The following PPP1R12A variants were observed in gnomAD, a reference collection of about 807,000 sequenced individuals.
PPP1R12A encodes the protein protein phosphatase 1 regulatory subunit 12A, also known as myosin binding subunit.
In PPP1R12A, 19 loss-of-function variants were observed where a neutral mutation model predicts 139.6. The ratio of observed to expected loss-of-function variants is 0.14; its 90% CI spans 0.09 to 0.20. The LOEUF is 0.20. PPP1R12A is among the 10% of genes least tolerant of loss of function. The probability of loss-of-function intolerance (pLI) is 1.00; values close to 1 mark genes in which losing one functional copy is unlikely to be tolerated. For missense variants in PPP1R12A, 925 were observed against 1,211.5 expected (o/e 0.76, Z 3.51); for synonymous variants, 427 against 420.6 (o/e 1.02, Z -0.19).
chr12:79,812,391 C>CGTGTGTGTGTGT (rs1156924649), intron 9 of PPP1R12A, among the ~76,000 whole-genome samples: 6,704 of 134,478 alleles, frequency 0.05, 418 homozygotes, highest in East Asian at 0.2. Flanking sequence ...TCTGTGTGTG[C>CGTGTGTGTGTGT]GTGTGTGTGT....
At position 79,807,325 on chromosome 12, in the gene PPP1R12A, G is replaced by T; in HGVS notation, c.1556C>A (p.Ser519Tyr). 1 of 1,539,832 alleles carries T rather than the reference G, an allele frequency of 6.5e-7. No individual in the cohort carries two copies. Among genetic ancestry groups the T allele is most frequent in the African/African-American group, 1.4e-5 (1 of 73,172 alleles). The change falls in exon 12 of 25, where the codon TCT becomes TAT. Residue 519 changes from serine (S) to tyrosine (Y), a missense_variant. Coordinates refer to ENST00000450142, the MANE Select transcript of PPP1R12A (RefSeq NM_002480.3). ...TGAACTACTTGTTCGCAAACTTGAA[G>T]AATCTCTGTTAAAAGAACACCCTTC... The part of the protein sequence containing the change: ...SDIEEKENRD[S>Y]SSLRTSSSYT...
At chr12:79,817,611 G>A (rs1875567503) in intron 8 of PPP1R12A, 93 bp from the exon 9 acceptor site, 1 of 1,272,554 alleles carries the variant, frequency 7.9e-7, no homozygotes, top group Non-Finnish European at 1.1e-6. Flanking sequence ...TTTTGTTTAA[G>A]GTTTTGTTAA....
intron 1 of PPP1R12A, among the ~76,000 whole-genome samples, chr12:79,903,146 C>T (rs950435411): frequency 1.3e-5 from 2 of 152,016 alleles, no homozygotes; most frequent in African/African-American, 4.8e-5. Context: ...GTTTCATGCA[C>T]AAAATTATTA....
chr12:79,837,165 G>C (rs962957796), intron 3 of PPP1R12A, among the ~76,000 whole-genome samples: 1 of 151,998 alleles, frequency 6.6e-6, no homozygotes, highest in Non-Finnish European at 1.5e-5. Flanking sequence ...TAATTGCAAG[G>C]TTTTTAAACA....
At chr12:79,816,512 TAAAC>T (rs950816897) in intron 9 of PPP1R12A, among the ~76,000 whole-genome samples, 96 of 152,038 alleles carry the variant, frequency 6.3e-4, no homozygotes, top group African/African-American at 2.2e-3. Flanking sequence ...AGGTCAAACA[TAAAC>T]AAACAAAAAC....
Position 79,809,997 on chromosome 12 carries a change from G to C in PPP1R12A, c.1253C>G (p.Ala418Gly). 6.2e-7 allele frequency: 1 copy of C among 1,611,358 alleles called. No homozygotes were observed. The highest frequency in any genetic ancestry group is 8.5e-7 in the Non-Finnish European group (1 of 1,178,764). The change falls in exon 10 of 25, where the codon GCT (alanine) becomes GGT (glycine). Residue 418 changes from alanine to glycine, a missense_variant. By Grantham distance (60) the Ala-to-Gly change is moderately conservative (BLOSUM62 0). Transcript: ENST00000450142. ...TTCTTCTTTGGGAGAAATTTTTGTA[G>C]CTGTGGTTGGAAACTGTGTTTATTT... ...TSPIKKFPTT[A>G]TKISPKEEER...
chr12:79,832,512 C>A (rs757213949), intron 3 of PPP1R12A, 21 bp from the exon 4 acceptor site: 22 of 1,553,822 alleles, frequency 1.4e-5, no homozygotes, highest in East Asian at 2.3e-5. Flanking sequence ...AAAAATAGTT[C>A]TTTTTATTTT....
intron 1 of PPP1R12A, among the ~76,000 whole-genome samples, chr12:79,899,233 A>ATATAT (rs1885406375): frequency 7.0e-6 from 1 of 141,922 alleles, no homozygotes; most frequent in African/African-American, 2.6e-5. Flanking sequence ...AGATCTTAAA[A>ATATAT]ATATATATAT....
At chr12:79,866,518 C>A (rs1282309219) in intron 2 of PPP1R12A, among the ~76,000 whole-genome samples, 1 of 152,196 alleles carries the variant, frequency 6.6e-6, no homozygotes, top group Non-Finnish European at 1.5e-5. Context: ...AAGAAACTAT[C>A]ATCAGAGTAA....
At chr12:79,910,398 T>G (rs1886470816) in intron 1 of PPP1R12A, among the ~76,000 whole-genome samples, 1 of 152,070 alleles carries the variant, frequency 6.6e-6, no homozygotes, top group Non-Finnish European at 1.5e-5. Context: ...AAGAATTGCT[T>G]GAACCTGGGA....
chr12:79,881,138 T>C (rs976601281), intron 1 of PPP1R12A, among the ~76,000 whole-genome samples: 19 of 152,142 alleles, frequency 1.2e-4, no homozygotes, highest in Admixed American at 5.9e-4. Context: ...ATATTAAAAT[T>C]AGACCAATGA....
chr12:79,899,705 C>T (rs916981925), intron 1 of PPP1R12A, among the ~76,000 whole-genome samples: 3 of 152,064 alleles, frequency 2.0e-5, no homozygotes, highest in Non-Finnish European at 2.9e-5. Context: ...CTTCTTAGAA[C>T]GTATGTTTTC....
intron 2 of PPP1R12A, among the ~76,000 whole-genome samples, chr12:79,852,282 C>T (rs1324575780): frequency 6.6e-6 from 1 of 151,772 alleles, no homozygotes; most frequent in Non-Finnish European, 1.5e-5. Context: ...CCATGACCTC[C>T]CCAGCTCAAG....
At chr12:79,810,512 C>T (rs1020565518) in intron 9 of PPP1R12A, among the ~76,000 whole-genome samples, 2 of 151,960 alleles carry the variant, frequency 1.3e-5, no homozygotes, top group African/African-American at 4.8e-5. Context: ...TGAAATCATA[C>T]TAAAGCCAAT....
chr12:79,929,734 A>G (rs544574913), intron 1 of PPP1R12A, among the ~76,000 whole-genome samples: 3 of 151,664 alleles, frequency 2.0e-5, no homozygotes, highest in Non-Finnish European at 4.4e-5. Context: ...ACACCACTGC[A>G]CTCCAGCCTG....
intron 1 of PPP1R12A, among the ~76,000 whole-genome samples, chr12:79,909,531 T>C (rs1017285845): frequency 5.9e-5 from 9 of 151,916 alleles, no homozygotes; most frequent in African/African-American, 1.9e-4. Context: ...GGTCAAGAGA[T>C]GGAGACCATC....
At chr12:79,840,050 A>T (rs1365987889) in intron 3 of PPP1R12A, among the ~76,000 whole-genome samples, 1 of 150,948 alleles carries the variant, frequency 6.6e-6, no homozygotes, top group Non-Finnish European at 1.5e-5. Flanking sequence ...TTCTAGGGAG[A>T]CATTTTAAAT....
At chr12:79,825,398 A>G (rs773641952) in intron 5 of PPP1R12A, 3 of 152,114 alleles carry the variant, frequency 2.0e-5, no homozygotes, top group Non-Finnish European at 4.4e-5. Context: ...CTAGTAAAGC[A>G]ATTATTTTAA....
intron 2 of PPP1R12A, among the ~76,000 whole-genome samples, chr12:79,854,326 C>T (rs1253636184): frequency 6.6e-6 from 1 of 152,128 alleles, no homozygotes; most frequent in Admixed American, 6.5e-5. Context: ...CACCTTAGAT[C>T]TGATGAAATC....
Sources: allele counts gnomAD v4.1 joint callset (sites outside exome capture counted in the v4.1 genomes callset), GRCh38; gene constraint gnomAD v4.1.1; transcripts MANE v1.5; gene names NCBI Gene and HGNC (gene_info 2026-07-23, HGNC 2026-07-21).